Variants in CASK observed in about 807,000 individuals in gnomAD.
CASK encodes calcium/calmodulin dependent serine protein kinase, also known as peripheral plasma membrane protein CASK.
A neutral mutation model predicts 82.9 loss-of-function variants in CASK; 4 were observed. The ratio of observed to expected loss-of-function variants is 0.05; its 90% confidence interval spans 0.02 to 0.11. The LOEUF is 0.11. Ranked by LOEUF, CASK falls within the 10% of genes least tolerant of loss-of-function variation. The pLI, the probability that CASK is intolerant of heterozygous loss-of-function variation, is 1.00. For missense variants in CASK, 358 were observed against 720.9 expected (o/e 0.50, Z 5.76); for synonymous variants, 259 against 253.5 (o/e 1.02, Z -0.20).
chrX:41,523,190 A>T (rs1427295235), intron 26 of CASK, among the ~76,000 whole-genome samples: 1 of 112,762 alleles, frequency 8.9e-6, no homozygotes, highest in Non-Finnish European at 1.9e-5. Flanking sequence ...AATTTTACAA[A>T]GGAATATACC....
chrX:41,621,122 T>TAA (rs1294745037), intron 11 of CASK, among the ~76,000 whole-genome samples: 1 of 100,043 alleles, frequency 1.0e-5, no homozygotes, highest in East Asian at 3.1e-4. Flanking sequence ...TTGGCTGATT[T>TAA]AAAAAAAAAA....
intron 2 of CASK, among the ~76,000 whole-genome samples, chrX:41,801,125 A>G (rs763920373): frequency 8.9e-6 from 1 of 112,083 alleles, no homozygotes; most frequent in African/African-American, 3.2e-5. Flanking sequence ...GGGAAAAAAA[A>G]GCAGAAAATA....
chrX:41,753,871 G>A (rs921577853), intron 3 of CASK, among the ~76,000 whole-genome samples: 1 of 112,067 alleles, frequency 8.9e-6, no homozygotes, highest in Non-Finnish European at 1.9e-5. Context: ...GGGCTATGGA[G>A]CAAGACCTCA....
At chrX:41,816,628 A>C (rs1483861557) in intron 2 of CASK, among the ~76,000 whole-genome samples, 1 of 111,004 alleles carries the variant, frequency 9.0e-6, no homozygotes, top group Non-Finnish European at 1.9e-5. Context: ...TCAGAAAAAA[A>C]AAAAGAGAGA....
At chrX:41,560,372 T>C (rs771626929) in intron 17 of CASK, among the ~76,000 whole-genome samples, 216 of 109,275 alleles carry the variant, frequency 2.0e-3, no homozygotes, top group African/African-American at 7.0e-3. Context: ...CCAGTGATTC[T>C]CCTGCCTCAG....
At chrX:41,853,348 C>A in intron 1 of CASK, 121 bp from the exon 2 acceptor site, 1 of 408,881 alleles carries the variant, frequency 2.4e-6, no homozygotes, top group Non-Finnish European at 4.2e-6. Flanking sequence ...CTTTAGACTC[C>A]AAATTGAACA....
intron 12 of CASK, 41 bp downstream of exon 12, chrX:41,609,863 C>G: frequency 8.3e-7 from 1 of 1,199,999 alleles, no homozygotes; most frequent in Non-Finnish European, 1.1e-6. Flanking sequence ...GGCCAATATT[C>G]AATTCACCAA....
chrX:41,868,905 GTACCCTTTCAC>G (rs1306689494), intron 1 of CASK, among the ~76,000 whole-genome samples: 1 of 110,988 alleles, frequency 9.0e-6, no homozygotes, highest in Non-Finnish European at 1.9e-5. Flanking sequence ...TACCAAAAGG[GTACCCTTTCAC>G]TACCAAAACA....
At chrX:41,662,859 A>G (rs2147472314) in intron 7 of CASK, among the ~76,000 whole-genome samples, 1 of 105,744 alleles carries the variant, frequency 9.5e-6, no homozygotes, top group Admixed American at 1.0e-4. Flanking sequence ...TTTTGGGAAG[A>G]CAGGGTCTTG....
chrX:41,708,700 G>A (rs2067923814), intron 5 of CASK, among the ~76,000 whole-genome samples: 1 of 112,206 alleles, frequency 8.9e-6, no homozygotes, highest in African/African-American at 3.2e-5. Flanking sequence ...GTTTCTAGCT[G>A]GAAAATAGTG....
At chrX:41,536,560 T>C (rs1457949777) in intron 22 of CASK, among the ~76,000 whole-genome samples, 4 of 111,595 alleles carry the variant, frequency 3.6e-5, no homozygotes, top group Non-Finnish European at 7.5e-5. Flanking sequence ...GGGAATAGAA[T>C]AGAACAGAAA....
chrX:41,817,981 C>T (rs1377198951), intron 2 of CASK, among the ~76,000 whole-genome samples: 1 of 111,072 alleles, frequency 9.0e-6, no homozygotes, highest in Non-Finnish European at 1.9e-5. Context: ...ATAGGCCATA[C>T]TTACTTTGCA....
At chrX:41,726,557 C>G (rs1324164664) in intron 5 of CASK, among the ~76,000 whole-genome samples, 1 of 111,927 alleles carries the variant, frequency 8.9e-6, no homozygotes, top group Non-Finnish European at 1.9e-5. Context: ...TAATTAAAAA[C>G]CAGTCAACTC....
intron 24 of CASK, 128 bp from the exon 25 acceptor site, chrX:41,531,337 C>A (rs1010903804): frequency 1.8e-6 from 1 of 561,993 alleles, no homozygotes; most frequent in African/African-American, 2.3e-5. Context: ...TCTCATATCC[C>A]CTGTTCTCAC....
intron 3 of CASK, among the ~76,000 whole-genome samples, chrX:41,755,702 T>C (rs1328364066): frequency 8.9e-6 from 1 of 111,953 alleles, no homozygotes; most frequent in Non-Finnish European, 1.9e-5. Context: ...TAATTACAGA[T>C]GGTATATATA....
chrX:41,805,804 T>C (rs913078285), intron 2 of CASK, among the ~76,000 whole-genome samples: 5 of 111,057 alleles, frequency 4.5e-5, no homozygotes, highest in Non-Finnish European at 9.4e-5. Context: ...GTAACCAAGA[T>C]GACTTTAAGG....
At chrX:41,564,026 T>C (rs1184901623) in intron 16 of CASK, among the ~76,000 whole-genome samples, 4 of 112,002 alleles carry the variant, frequency 3.6e-5, no homozygotes, top group African/African-American at 9.7e-5. Flanking sequence ...TAAATGCACA[T>C]ACTGAGATCT....
At chrX:41,880,778 A>G (rs888753567) in intron 1 of CASK, among the ~76,000 whole-genome samples, 4 of 111,760 alleles carry the variant, frequency 3.6e-5, no homozygotes, top group African/African-American at 1.3e-4. Flanking sequence ...AAACTATAAG[A>G]TATCTCACTA....
chrX:41,872,245 C>A (rs1357484231), intron 1 of CASK, among the ~76,000 whole-genome samples: 1 of 112,638 alleles, frequency 8.9e-6, no homozygotes, highest in Non-Finnish European at 1.9e-5. Flanking sequence ...ATGTTCCCAA[C>A]AAGTTTTAAT....
Sources: allele counts gnomAD v4.1 joint callset (sites outside exome capture counted in the v4.1 genomes callset), GRCh38; gene constraint gnomAD v4.1.1; transcripts MANE v1.5; gene names NCBI Gene and HGNC (gene_info 2026-07-23, HGNC 2026-07-21).